The following CSNK1E variants were observed in gnomAD, a reference collection of about 807,000 sequenced individuals.
CSNK1E encodes casein kinase 1 epsilon, also known as casein kinase I isoform epsilon.
Under a neutral mutation model 46.1 loss-of-function variants are expected in CSNK1E, and 17 were observed. That is an observed-to-expected ratio of 0.37 (90% confidence interval 0.25 to 0.55). The LOEUF (loss-of-function observed/expected upper bound fraction) is 0.55. Among genes scored for constraint, CSNK1E ranks in the 20% least tolerant of loss-of-function variants. The pLI is 0.82. For missense variants in CSNK1E, 386 were observed against 595.4 expected (o/e 0.65, Z 3.66); for synonymous variants, 241 against 242.6 (o/e 0.99, Z 0.06).
intron 2 of CSNK1E, 94 bp downstream of exon 2, chr22:38,313,988 A>G: frequency 2.5e-6 from 3 of 1,177,190 alleles, no homozygotes; most frequent in Non-Finnish European, 3.8e-6. Context: ...CTGGAGCCAC[A>G]TTCTGACTTC....
chr22:38,316,102 G>A (rs1424395962), intron 1 of CSNK1E, among the ~76,000 whole-genome samples: 3 of 149,040 alleles, frequency 2.0e-5, no homozygotes, highest in Non-Finnish European at 2.9e-5. Context: ...TCTCCCATGG[G>A]GGAGGGGGGG....
chr22:38,301,489 G>A (rs1383443544), intron 4 of CSNK1E, among the ~76,000 whole-genome samples: 1 of 152,110 alleles, frequency 6.6e-6, no homozygotes, highest in African/African-American at 2.4e-5. Context: ...CTGGAGTGCA[G>A]TGGCAAAATC....
Position 38,300,941 on chromosome 22 carries a change from G to T in CSNK1E, c.348C>A (p.Ile116=). Residue 116 remains isoleucine (I), a synonymous_variant, in exon 5 of 11, where the codon ATC becomes ATA. Transcript: ENST00000396832. This position sits in a 1 kb window ranked among gnomAD's most constrained non-coding sequence, Gnocchi z 4.4. ...LLLADQMISR[I]EYIHSKNFIH... ...TGAAGTTCTTGGAGTGGATATACTC[G>T]ATGCGGCTGATCTGGGGAGGAGGGG... 4 of 1,614,050 alleles carry T rather than the reference G, an allele frequency of 2.5e-6. No individual in the cohort carries two copies. The highest frequency in any genetic ancestry group is 1.3e-5 in the African/African-American group (1 of 75,026).
chr22:38,314,084 A>G lies in CSNK1E; in HGVS notation c.74T>C (p.Leu25Pro). 1 of 1,613,778 alleles carries G rather than the reference A, an allele frequency of 6.2e-7. No homozygotes were observed. ...CAGCTGGAGCTAGGAACACTTACCC[A>G]GGTAGATATCTCCGAAGGACCCGCT... ...IGSGSFGDIY[L>P]GANIASGEEV... Residue 25 changes from leucine (L) to proline (P), a missense_variant and splice_region_variant, in exon 2 of 11, where the codon CTG (leucine) becomes CCG (proline). Around this residue, in one of 2 missense-constraint regions of CSNK1E, gnomAD observed 212 missense variants for 410.2 expected, o/e 0.52. Coordinates refer to ENST00000396832, the MANE Select transcript of CSNK1E (RefSeq NM_152221.3).
Position 38,300,690 on chromosome 22 carries a change from C to T in CSNK1E, c.565+34G>A, listed in dbSNP as rs760950994. ...AGAGCTGGGCCCCAGCCAGTGGCCC[C>T]GGGTGCACACTGCTCCAGGCCTGGC... On this transcript the variant is annotated intron_variant, in intron 5 of 10. Transcript: ENST00000396832. The surrounding 1 kb of genome is among the most constrained non-coding windows in gnomAD (Gnocchi z 4.4). The T allele has an allele frequency of 6.9e-6, 11 of 1,599,436 alleles. No individual in the cohort carries two copies. Among genetic ancestry groups the T allele is most frequent in the South Asian group, 1.1e-5 (1 of 90,382 alleles).
chr22:38,313,108 T>C (rs1437959485), intron 2 of CSNK1E, among the ~76,000 whole-genome samples: 1 of 152,210 alleles, frequency 6.6e-6, no homozygotes, highest in African/African-American at 2.4e-5. Context: ...GCACATTTCA[T>C]ACTCCAAGGA....
chr22:38,300,201 A>G lies in CSNK1E; in HGVS notation c.566-136T>C. On this transcript the variant is annotated intron_variant, in intron 5 of 10. Transcript: ENST00000396832. This position sits in a 1 kb window ranked among gnomAD's most constrained non-coding sequence, Gnocchi z 4.4. ...GGATGTTGCTCACTGCACGCATTTTAAACAGGCACTGCTATTATCCTCCTC... is the reference window on the plus strand; with the variant it reads ...GGATGTTGCTCACTGCACGCATTTTGAACAGGCACTGCTATTATCCTCCTC... 3 of 737,500 alleles carry G rather than the reference A, an allele frequency of 4.1e-6. No homozygotes were observed. Among genetic ancestry groups the G allele is most frequent in the Non-Finnish European group, 6.5e-6 (3 of 460,278 alleles). The allele number at this position is 737,500 out of a possible 1,614,324, so 45.7% of individuals were successfully genotyped here. A position where few individuals can be genotyped will look rare whatever the true frequency, so the allele number is the denominator to read the frequency against.
In CSNK1E at chr22:38,304,758, G is replaced by A. The variant is rs73884679; in HGVS notation, c.77-1510C>T. 6.3e-3 allele frequency among the ~76,000 whole-genome samples: 954 copies of A among 152,242 alleles called. 15 individuals carry two copies. Among genetic ancestry groups the A allele is most frequent in the African/African-American group, 0.022 (933 of 41,534 alleles). ...TGAATGGAATGCAGTGCCTCCATGC[G>A]GCGGAATATTATTCAGCAATAAAGA... On this transcript the variant is annotated intron_variant, in intron 2 of 10. Coordinates refer to ENST00000396832, the MANE Select transcript of CSNK1E (RefSeq NM_152221.3).
rs141492244 is a variant in CSNK1E, at chr22:38,300,172, C to G, written c.566-107G>C. The G allele has an allele frequency of 1.9e-5, 20 of 1,055,070 alleles. No homozygotes were observed. The highest frequency in any genetic ancestry group is 2.4e-5 in the Non-Finnish European group (18 of 735,044). 65.4% of individuals were successfully genotyped at this position (1,055,070 alleles called of 1,614,324 possible). A position where few individuals can be genotyped will look rare whatever the true frequency, so the allele number is the denominator to read the frequency against. The stretch of plus-strand genomic sequence containing the variant: ...ATGCACCAGGACCCTCCTGCCCCCA[C>G]GTCGGATGTTGCTCACTGCACGCAT... On this transcript the variant is annotated intron_variant, in intron 5 of 10. Coordinates refer to ENST00000396832, the MANE Select transcript of CSNK1E (RefSeq NM_152221.3). This position sits in a 1 kb window ranked among gnomAD's most constrained non-coding sequence, Gnocchi z 4.4.
chr22:38,306,695 C>T (rs1281343523), intron 2 of CSNK1E, among the ~76,000 whole-genome samples: 2 of 150,970 alleles, frequency 1.3e-5, no homozygotes, highest in Admixed American at 6.6e-5. Flanking sequence ...TGTGCCACTG[C>T]ACTCCAGCCT....
rs934647524 is a variant in CSNK1E, at chr22:38,300,078, T to C, written c.566-13A>G. 3 of 1,610,986 alleles carry C rather than the reference T, an allele frequency of 1.9e-6. No homozygotes were observed. Among genetic ancestry groups the C allele is most frequent in the Non-Finnish European group, 2.5e-6 (3 of 1,178,280 alleles). ...CGACGGCTTTGCTCTGCACAGAGAG[T>C]CAAAGACTAGGTGAGGGACAGGGGT... On this transcript the variant is annotated splice_polypyrimidine_tract_variant and intron_variant, in intron 5 of 10. Coordinates refer to ENST00000396832, the MANE Select transcript of CSNK1E (RefSeq NM_152221.3). The surrounding 1 kb of genome is among the most constrained non-coding windows in gnomAD (Gnocchi z 4.4).
At position 38,293,964 on chromosome 22, in the gene CSNK1E, C is replaced by A. The variant is rs1029974837; in HGVS notation, c.1218+145G>T. On this transcript the variant is annotated intron_variant, in intron 9 of 10. Coordinates refer to ENST00000396832, the MANE Select transcript of CSNK1E (RefSeq NM_152221.3). ...TCAGACCTCAGAGGATTAAATGAGG[C>A]CAAGTCCTGGCTCTACAGAAGGGGT... 2.8e-5 allele frequency: 27 copies of A among 975,056 alleles called. No individual in the cohort carries two copies. In the African/African-American group the frequency reaches 4.4e-4, roughly 16 times the overall value. The allele number at this position is 975,056 out of a possible 1,614,324, so 60.4% of individuals were successfully genotyped here.
In CSNK1E at chr22:38,298,619, C is replaced by A. The variant is rs932872955; in HGVS notation, c.885+167G>T. The stretch of plus-strand genomic sequence containing the variant: ...CCCATGGTGGCACAAGCTGTCAGCA[C>A]GGATGAGGCTGGAGGGCTCTGGGAC... On this transcript the variant is annotated intron_variant, in intron 7 of 10. Transcript: ENST00000396832. The surrounding 1 kb of genome is among the most constrained non-coding windows in gnomAD (Gnocchi z 4.2). The A allele has an allele frequency of 2.7e-6, 2 of 748,340 alleles. No homozygotes were observed. The highest frequency in any genetic ancestry group is 5.2e-5 in the East Asian group (2 of 38,758). The allele number at this position is 748,340 out of a possible 1,614,324, so 46.4% of individuals were successfully genotyped here. A position where few individuals can be genotyped will look rare whatever the true frequency, so the allele number is the denominator to read the frequency against.
chr22:38,303,014 G>A lies in CSNK1E; in HGVS notation c.188-5C>T. The A allele has an allele frequency of 6.2e-7, 1 of 1,612,344 alleles. No homozygotes were observed. The highest frequency in any genetic ancestry group is 8.5e-7 in the Non-Finnish European group (1 of 1,179,550). ...ACTTGATGGACGGGATCCCCACTGGGGGTCAAGCAGAGGGCCTCTGTCAGG... is the reference window on the plus strand; with the variant it reads ...ACTTGATGGACGGGATCCCCACTGGAGGTCAAGCAGAGGGCCTCTGTCAGG... On this transcript the variant is annotated splice_polypyrimidine_tract_variant and splice_region_variant and intron_variant, in intron 3 of 10. Coordinates refer to ENST00000396832, the MANE Select transcript of CSNK1E (RefSeq NM_152221.3). The surrounding 1 kb of genome is among the most constrained non-coding windows in gnomAD (Gnocchi z 4.7).
At chr22:38,293,811 C>T (rs1049207713) in intron 9 of CSNK1E, 7 of 486,342 alleles carry the variant, frequency 1.4e-5, no homozygotes, top group African/African-American at 1.3e-4. Context: ...AGCAACACCT[C>T]ATCTCTGAGC....
At chr22:38,306,996 C>A (rs2145844565) in intron 2 of CSNK1E, among the ~76,000 whole-genome samples, 1 of 152,112 alleles carries the variant, frequency 6.6e-6, no homozygotes, top group South Asian at 2.1e-4. Context: ...CATAGTGAGA[C>A]CCTATCTCTA....
intron 7 of CSNK1E, chr22:38,297,781 C>T (rs1569076526): frequency 2.0e-6 from 2 of 999,444 alleles, no homozygotes; most frequent in South Asian, 4.2e-5. Flanking sequence ...TCCACCATGG[C>T]CTCCACTGTG....
chr22:38,299,264 C>T (rs948031270), intron 6 of CSNK1E, among the ~76,000 whole-genome samples: 2 of 152,198 alleles, frequency 1.3e-5, no homozygotes, highest in South Asian at 2.1e-4. Flanking sequence ...ACAGATCAAT[C>T]GTTGCCATAA....
chr22:38,296,928 C>A lies in CSNK1E; in HGVS notation c.885+1858G>T, dbSNP rs143454416. 6.5e-6 allele frequency: 4 copies of A among 612,832 alleles called. No individual in the cohort carries two copies. In the African/African-American group the frequency reaches 7.3e-5, roughly 11 times the overall value. 38.0% of individuals were successfully genotyped at this position (612,832 alleles called of 1,614,324 possible). ...CAGCTGGGATTACAGGAACACACCA[C>A]CATGCCCAGCTAATTTTTGTGTTTT... On this transcript the variant is annotated intron_variant, in intron 7 of 10. Transcript: ENST00000396832.
Sources: gnomAD v4.1 joint callset for allele counts (sites outside exome capture counted in the v4.1 genomes callset) on GRCh38, gnomAD v4.1.1 for gene constraint, gnomAD v4.1.1 regional missense constraint, Gnocchi (gnomAD v3.1) non-coding constraint, MANE v1.5 for transcripts, NCBI Gene and HGNC (gene_info 2026-07-23, HGNC 2026-07-21) for gene names.